SPAG16: variants seen among roughly 807,000 people sequenced by gnomAD.
SPAG16 encodes the protein sperm associated antigen 16.
In SPAG16, 86 loss-of-function variants were observed where a neutral mutation model predicts 80.4. The ratio of observed to expected loss-of-function variants is 1.07; its 90% CI spans 0.90 to 1.28. The LOEUF (loss-of-function observed/expected upper bound fraction) is 1.28. Ranked by LOEUF, SPAG16 falls within the 50% of genes most tolerant of loss-of-function variation. SPAG16 has a pLI of 0.00. For synonymous variants in SPAG16, 294 were observed against 265.9 expected (o/e 1.11, Z -1.03); for missense variants, 870 against 765.3 (o/e 1.14, Z -1.61).
chr2:213,853,295 G>A (rs2074999023), intron 10 of SPAG16, among the ~76,000 whole-genome samples: 1 of 151,990 alleles, frequency 6.6e-6, no homozygotes, highest in South Asian at 2.1e-4. Flanking sequence ...TGACTCTACT[G>A]ATAATTAATA....
At chr2:213,956,476 C>G (rs2044147092) in intron 12 of SPAG16, among the ~76,000 whole-genome samples, 1 of 134,076 alleles carries the variant, frequency 7.5e-6, no homozygotes, top group Non-Finnish European at 1.6e-5. Context: ...GAGGCAGGGT[C>G]TCACTCTGTC....
At chr2:213,687,439 A>T (rs2064735493) in intron 10 of SPAG16, among the ~76,000 whole-genome samples, 1 of 152,154 alleles carries the variant, frequency 6.6e-6, no homozygotes, top group Non-Finnish European at 1.5e-5. Context: ...CATTTCTTGT[A>T]GTGTGGGGTT....
intron 13 of SPAG16, among the ~76,000 whole-genome samples, chr2:214,058,450 T>C (rs746858544): frequency 6.6e-5 from 10 of 152,150 alleles, no homozygotes; most frequent in Non-Finnish European, 1.0e-4. Context: ...ATTCAGATCA[T>C]GGTGCTTCAA....
At chr2:214,181,568 T>TGCA (rs1466560947) in intron 15 of SPAG16, among the ~76,000 whole-genome samples, 1 of 151,768 alleles carries the variant, frequency 6.6e-6, no homozygotes, top group Admixed American at 6.6e-5. Context: ...TCACAGATAT[T>TGCA]CTCTATCCAG....
rs918663082 is a variant in SPAG16 at position 213,429,931 on chromosome 2, G to C, written c.942+54812G>C. On this transcript the variant is annotated intron_variant, in intron 9 of 15. Coordinates refer to ENST00000331683, the MANE Select transcript of SPAG16 (RefSeq NM_024532.5). The stretch of plus-strand genomic sequence containing the variant: ...TGTAATAACATAGGAATATGAAAAA[G>C]TAATGTGTAATGATACACATAAAGA... Among the ~76,000 whole-genome samples, 2 of 152,174 alleles carry C rather than the reference G, an allele frequency of 1.3e-5. 1 individual carries two copies. The highest frequency in any genetic ancestry group is 2.9e-5 in the Non-Finnish European group (2 of 68,034).
intron 10 of SPAG16, among the ~76,000 whole-genome samples, chr2:213,693,455 T>G (rs1374516759): frequency 6.6e-6 from 1 of 152,212 alleles, no homozygotes; most frequent in Admixed American, 6.5e-5. Flanking sequence ...ACTTCACATT[T>G]ATTTACCTTC....
intron 1 of SPAG16, among the ~76,000 whole-genome samples, chr2:213,292,138 T>C (rs2062300036): frequency 6.6e-6 from 1 of 152,184 alleles, no homozygotes; most frequent in Non-Finnish European, 1.5e-5. Flanking sequence ...TTATCAGCGG[T>C]TGGCTTATTT....
intron 10 of SPAG16, among the ~76,000 whole-genome samples, chr2:213,628,875 C>T (rs1170455144): frequency 1.3e-5 from 2 of 152,098 alleles, no homozygotes; most frequent in Non-Finnish European, 2.9e-5. Context: ...TCCCTTTATT[C>T]AGTCAGTTTG....
At position 213,350,595 on chromosome 2, in the gene SPAG16, C is replaced by T; in HGVS notation, c.712C>T (p.Leu238=). The T allele has an allele frequency of 6.2e-7, 1 of 1,604,910 alleles. No individual in the cohort carries two copies. The highest frequency in any genetic ancestry group is 8.5e-7 in the Non-Finnish European group (1 of 1,177,164). ...GTTACATGAGAAACACCACACTTTA[C>T]TGAAGGAGAAAATGCTGACCTCCTT... ...RVLHEKHHTL[L]KEKMLTSLER... is the part of the protein sequence containing the mutation. The change falls in exon 7 of 16, where the codon CTG becomes TTG. Residue 238 remains leucine (L), a synonymous_variant. Coordinates refer to ENST00000331683, the MANE Select transcript of SPAG16 (RefSeq NM_024532.5).
intron 12 of SPAG16, among the ~76,000 whole-genome samples, chr2:213,970,835 A>G (rs1251299705): frequency 6.6e-6 from 1 of 152,218 alleles, no homozygotes; most frequent in East Asian, 1.9e-4. Flanking sequence ...GGCAGAGTAC[A>G]TTTACTTATT....
intron 13 of SPAG16, among the ~76,000 whole-genome samples, chr2:214,044,580 G>A (rs896724456): frequency 3.3e-5 from 5 of 152,170 alleles, no homozygotes; most frequent in Admixed American, 6.5e-5. Context: ...CAAAAATCAG[G>A]TGAGCATTCA....
chr2:213,386,724 T>A (rs1253656077), intron 9 of SPAG16, among the ~76,000 whole-genome samples: 1 of 152,226 alleles, frequency 6.6e-6, no homozygotes, highest in African/African-American at 2.4e-5. Context: ...GTTTAAACTA[T>A]TTTCTCTTGA....
At chr2:214,037,822 A>C in intron 13 of SPAG16, among the ~76,000 whole-genome samples, 1 of 150,792 alleles carries the variant, frequency 6.6e-6, no homozygotes, top group East Asian at 1.9e-4. Flanking sequence ...ACTTTGTTTG[A>C]TACCAATATT....
chr2:214,084,432 C>T (rs1017689299), intron 13 of SPAG16, among the ~76,000 whole-genome samples: 1 of 152,076 alleles, frequency 6.6e-6, no homozygotes, highest in Admixed American at 6.6e-5. Context: ...TTTTCTCACA[C>T]CTTACAACAT....
intron 12 of SPAG16, among the ~76,000 whole-genome samples, chr2:213,935,873 A>C (rs2078967534): frequency 6.6e-6 from 1 of 152,198 alleles, no homozygotes; most frequent in Non-Finnish European, 1.5e-5. Flanking sequence ...ACTAAGCTAT[A>C]ATAGTGAAAA....
chr2:214,306,185 G>T (rs1371334024), intron 15 of SPAG16, among the ~76,000 whole-genome samples: 1 of 152,018 alleles, frequency 6.6e-6, no homozygotes, highest in African/African-American at 2.4e-5. Context: ...TTTGACTGTT[G>T]TTGGTGTATT....
intron 10 of SPAG16, among the ~76,000 whole-genome samples, chr2:213,693,428 G>A (rs943356890): frequency 1.3e-5 from 2 of 152,196 alleles, no homozygotes; most frequent in African/African-American, 2.4e-5. Context: ...TTACATGTTT[G>A]CTTCGTAGAC....
chr2:213,508,984 A>ATTTTC (rs71060434), intron 10 of SPAG16, among the ~76,000 whole-genome samples: 49,804 of 147,708 alleles, frequency 0.34, 8,698 homozygotes, highest in Middle Eastern at 0.51. Flanking sequence ...TCTATACAAT[A>ATTTTC]TTTTCTTTTC....
At chr2:214,249,786 T>C (rs1690117785) in intron 15 of SPAG16, among the ~76,000 whole-genome samples, 1 of 152,164 alleles carries the variant, frequency 6.6e-6, no homozygotes, top group Non-Finnish European at 1.5e-5. Flanking sequence ...ATATTGCTGA[T>C]TTGGAGCCTC....
Sources: gnomAD v4.1 joint callset for allele counts (sites outside exome capture counted in the v4.1 genomes callset) on GRCh38, gnomAD v4.1.1 for gene constraint, MANE v1.5 for transcripts, NCBI Gene and HGNC (gene_info 2026-07-23, HGNC 2026-07-21) for gene names.